The following PCDH15 variants were observed in gnomAD, a reference collection of about 807,000 sequenced individuals.
The protein encoded by PCDH15 is protocadherin related 15.
PCDH15 carries 129 observed loss-of-function variants against 178.5 expected under a neutral mutation model. The ratio of observed to expected loss-of-function variants is 0.72; its 90% CI spans 0.63 to 0.84. PCDH15 has a LOEUF of 0.84. Ranked by LOEUF, PCDH15 falls within the 40% of genes least tolerant of loss-of-function variation. The probability of loss-of-function intolerance (pLI) is 0.00; values close to 1 mark genes in which losing one functional copy is unlikely to be tolerated. For synonymous variants in PCDH15, 800 were observed against 732.0 expected, an observed-to-expected ratio of 1.09 and a Z score of -1.50; for missense variants, 2,230 against 2,099.9, an observed-to-expected ratio of 1.06 and a Z score of -1.21.
chr10:55,321,480 A>G (rs907740039), upstream of PCDH15, among the ~76,000 whole-genome samples: 5 of 152,166 alleles, frequency 3.3e-5, no homozygotes, highest in Admixed American at 6.5e-5. Context: ...AGAGGCCAAC[A>G]TTCAAATTCA....
At chr10:55,135,885 A>G (rs1455212457) in intron 2 of PCDH15, among the ~76,000 whole-genome samples, 1 of 152,080 alleles carries the variant, frequency 6.6e-6, no homozygotes, top group Non-Finnish European at 1.5e-5. Context: ...TGCCCGGCAT[A>G]AAGCTTTTTC....
At chr10:54,971,291 G>A (rs987597284) in intron 2 of PCDH15, among the ~76,000 whole-genome samples, 9 of 152,090 alleles carry the variant, frequency 5.9e-5, no homozygotes, top group African/African-American at 1.7e-4. Flanking sequence ...TTGGATCAGG[G>A]CCACATGAAA....
intron 2 of PCDH15, among the ~76,000 whole-genome samples, chr10:55,621,031 T>C (rs2132170486): frequency 6.6e-6 from 1 of 152,004 alleles, no homozygotes; most frequent in African/African-American, 2.4e-5. Context: ...ATATATTATG[T>C]TTATGTTAGA....
chr10:55,225,820 G>T (rs574147552), intron 1 of PCDH15, among the ~76,000 whole-genome samples: 1 of 152,026 alleles, frequency 6.6e-6, no homozygotes, highest in Non-Finnish European at 1.5e-5. Flanking sequence ...CCCTGTACAC[G>T]TTTACTGTTT....
At chr10:54,570,969 C>T (rs2089756865) in intron 2 of PCDH15, among the ~76,000 whole-genome samples, 1 of 151,758 alleles carries the variant, frequency 6.6e-6, no homozygotes, top group Non-Finnish European at 1.5e-5. Context: ...CCCGGCCTCA[C>T]TTGCATCATT....
At chr10:55,298,597 T>A (rs4935586) in intron 1 of PCDH15, among the ~76,000 whole-genome samples, 31,081 of 152,042 alleles carry the variant, frequency 0.2, 4,985 homozygotes, top group African/African-American at 0.45. Context: ...TTATTTATTT[T>A]TTTTTTTAAG....
intron 1 of PCDH15, among the ~76,000 whole-genome samples, chr10:55,266,996 T>C (rs1015011217): frequency 6.6e-6 from 1 of 152,104 alleles, no homozygotes; most frequent in Non-Finnish European, 1.5e-5. Flanking sequence ...CCTGGTTGCT[T>C]CCCCTAGAGG....
chr10:54,022,467 T>C (rs2092953933), intron 19 of PCDH15, among the ~76,000 whole-genome samples: 1 of 151,830 alleles, frequency 6.6e-6, no homozygotes, highest in Admixed American at 6.6e-5. Context: ...CAAATTCATA[T>C]ATATATATGT....
intron 3 of PCDH15, among the ~76,000 whole-genome samples, chr10:54,422,459 C>T (rs1326281799): frequency 6.6e-6 from 1 of 152,110 alleles, no homozygotes; most frequent in African/African-American, 2.4e-5. Context: ...ACAGTCACTT[C>T]ACACATAGTA....
intron 3 of PCDH15, among the ~76,000 whole-genome samples, chr10:54,390,137 A>G (rs1228808976): frequency 5.3e-5 from 8 of 152,120 alleles, no homozygotes; most frequent in Non-Finnish European, 1.2e-4. Context: ...CCAAAACATC[A>G]CACCCTGAAT....
intron 11 of PCDH15, among the ~76,000 whole-genome samples, chr10:54,187,717 A>G (rs1464980407): frequency 6.6e-6 from 1 of 151,900 alleles, no homozygotes; most frequent in Non-Finnish European, 1.5e-5. Context: ...ATGGCATATT[A>G]TAGCTCATTC....
intron 20 of PCDH15, among the ~76,000 whole-genome samples, chr10:54,014,919 C>A (rs569974106): frequency 1.3e-5 from 2 of 152,020 alleles, no homozygotes; most frequent in Non-Finnish European, 2.9e-5. Context: ...AGCAATAAAG[C>A]AATAGAAAGA....
intron 1 of PCDH15, among the ~76,000 whole-genome samples, chr10:54,700,993 C>T (rs1039207824): frequency 6.6e-6 from 1 of 152,106 alleles, no homozygotes; most frequent in African/African-American, 2.4e-5. Context: ...AAGGCAACTA[C>T]ATCAGGCAAA....
rs115315706 is a variant in PCDH15, at chr10:55,327,342, C to G, written c.-155-160691G>C. ...TGTTTATAAGTCATTTAGCCTATGG[C>G]ATTTTTGTTACAGAAGTTTGAATGA... On this transcript the variant is annotated intron_variant, in intron 2 of 5. Transcript: ENST00000613346. Among the ~76,000 whole-genome samples, 782 of 151,984 alleles carry G rather than the reference C, an allele frequency of 5.1e-3. 10 individuals are homozygous for G. Among genetic ancestry groups the G allele is most frequent in the African/African-American group, 0.018 (736 of 41,482 alleles).
intron 3 of PCDH15, among the ~76,000 whole-genome samples, chr10:54,384,856 G>A (rs1267307955): frequency 1.3e-5 from 2 of 151,968 alleles, no homozygotes; most frequent in Non-Finnish European, 2.9e-5. Flanking sequence ...TAAAACTCAA[G>A]CAATATTCCA....
chr10:54,679,189 CAAAAAAAAAAA>C (rs10709982), intron 1 of PCDH15, among the ~76,000 whole-genome samples: 2 of 71,342 alleles, frequency 2.8e-5, no homozygotes. Context: ...GACTCCGTCT[CAAAAAAAAAAA>C]AAAAAAAAAA....
chr10:54,970,350 A>G (rs1220392314), intron 2 of PCDH15, among the ~76,000 whole-genome samples: 1 of 152,186 alleles, frequency 6.6e-6, no homozygotes, highest in African/African-American at 2.4e-5. Context: ...AGAAAAATGA[A>G]AGCAGCTTTG....
intron 2 of PCDH15, among the ~76,000 whole-genome samples, chr10:54,595,234 T>C (rs7095317): frequency 0.54 from 81,930 of 152,000 alleles, 22,544 homozygotes; most frequent in East Asian, 0.81. Flanking sequence ...TGAGATCACA[T>C]TGACCCCTCC....
intron 2 of PCDH15, among the ~76,000 whole-genome samples, chr10:55,332,352 A>G (rs578211273): frequency 4.1e-4 from 62 of 152,278 alleles, no homozygotes; most frequent in Non-Finnish European, 8.2e-4. Context: ...AAATAAAACT[A>G]TAGTACTTGA....
Sources: gnomAD v4.1 joint callset for allele counts (sites outside exome capture counted in the v4.1 genomes callset) on GRCh38, gnomAD v4.1.1 for gene constraint, MANE v1.5 for transcripts, NCBI Gene and HGNC (gene_info 2026-07-23, HGNC 2026-07-21) for gene names.